The following MEGF6 variants were observed in gnomAD, a reference collection of about 807,000 sequenced individuals.
MEGF6 encodes the protein multiple EGF like domains 6.
MEGF6 carries 184 observed loss-of-function variants against 207.1 expected under a neutral mutation model. That is an observed-to-expected ratio of 0.89 (90% CI 0.79 to 1.00). The LOEUF (loss-of-function observed/expected upper bound fraction) is 1.00, where lower values mean the gene tolerates loss of function less well. Ranked by LOEUF, MEGF6 falls within the 50% of genes least tolerant of loss-of-function variation. MEGF6 has a pLI of 0.00. For missense variants in MEGF6, 2,282 were observed against 2,202.9 expected (o/e 1.04, Z -0.72); for synonymous variants, 1,038 against 910.0 (o/e 1.14, Z -2.53).
chr1:3,584,117 A>C (rs571210385), intron 3 of MEGF6, among the ~76,000 whole-genome samples: 43 of 152,238 alleles, frequency 2.8e-4, no homozygotes, highest in Non-Finnish European at 5.3e-4. Flanking sequence ...CCTTAGAGGC[A>C]TCCAGGGTGC....
upstream of MEGF6, among the ~76,000 whole-genome samples, chr1:3,612,851 A>G (rs2101923897): frequency 6.6e-6 from 1 of 152,296 alleles, no homozygotes; most frequent in African/African-American, 2.4e-5. Flanking sequence ...TGGAGGCTAC[A>G]GTCCTCTGGG....
intron 2 of MEGF6, among the ~76,000 whole-genome samples, chr1:3,598,622 C>T (rs1557808428): frequency 1.3e-5 from 2 of 152,188 alleles, no homozygotes; most frequent in East Asian, 3.9e-4. Context: ...CCGTGAAGAC[C>T]AGCCCTCCGT....
At chr1:3,571,086 C>T (rs963333661) in intron 4 of MEGF6, among the ~76,000 whole-genome samples, 2 of 152,178 alleles carry the variant, frequency 1.3e-5, no homozygotes, top group Non-Finnish European at 2.9e-5. Context: ...CAGCCAACAG[C>T]CTGGGGAGCA....
At chr1:3,580,045 C>T (rs1460815766) in intron 3 of MEGF6, 116 bp from the exon 4 acceptor site, 19 of 686,954 alleles carry the variant, frequency 2.8e-5, no homozygotes, top group Non-Finnish European at 4.3e-5. Flanking sequence ...TCCCCAGCCC[C>T]GTTCTCTCTG....
intron 4 of MEGF6, among the ~76,000 whole-genome samples, chr1:3,543,133 C>T (rs1350962406): frequency 6.6e-6 from 1 of 152,240 alleles, no homozygotes; most frequent in East Asian, 1.9e-4. Context: ...GCCAGTCTCC[C>T]AGAACATGAC....
intron 1 of MEGF6, among the ~76,000 whole-genome samples, chr1:3,604,522 A>G (rs1372426117): frequency 6.6e-6 from 1 of 152,172 alleles, no homozygotes; most frequent in African/African-American, 2.4e-5. Context: ...CTCTTCCTGC[A>G]CCAGGAAGAC....
intron 2 of MEGF6, among the ~76,000 whole-genome samples, chr1:3,599,165 C>T (rs1570235259): frequency 1.3e-5 from 2 of 152,336 alleles, no homozygotes; most frequent in East Asian, 3.9e-4. Flanking sequence ...CGGGGCCAGC[C>T]TGGGGAGGGG....
chr1:3,501,693 G>A lies in MEGF6; in HGVS notation c.2314+103C>T, dbSNP rs959702237. 1.3e-4 allele frequency: 185 copies of A among 1,439,494 alleles called. No individual in the cohort carries two copies. In the African/African-American group the frequency reaches 2.0e-3, roughly 16 times the overall value. 89.2% of individuals were successfully genotyped at this position (1,439,494 alleles called of 1,614,324 possible). A position where few individuals can be genotyped will look rare whatever the true frequency, so the allele number is the denominator to read the frequency against. Reference sequence around the variant, plus strand: ...GTGAGCTCTCACACCTGCTATAGACGGGCCTGGGATCCGCAGGGCTGGGGC... The same window carrying A: ...GTGAGCTCTCACACCTGCTATAGACAGGCCTGGGATCCGCAGGGCTGGGGC... On this transcript the variant is annotated intron_variant, in intron 18 of 36. Transcript: ENST00000356575.
At position 3,611,489 on chromosome 1, in the gene MEGF6, C is replaced by T. The variant is rs1200618079; in HGVS notation, c.-221G>A. On this transcript the variant is annotated 5_prime_UTR_variant, in exon 1 of 37. Transcript: ENST00000356575. Reference sequence around the variant, plus strand: ...CCGGGTCCACCCTGCAGGAACTCGCCCCGGCGCGTTGAGCACAGTGCCCCG... The same window carrying T: ...CCGGGTCCACCCTGCAGGAACTCGCTCCGGCGCGTTGAGCACAGTGCCCCG... 2 of 534,912 alleles carry T rather than the reference C, an allele frequency of 3.7e-6. No homozygotes were observed. Among genetic ancestry groups the T allele is most frequent in the Non-Finnish European group, 5.9e-6 (2 of 339,110 alleles). 33.1% of individuals were successfully genotyped at this position (534,912 alleles called of 1,614,324 possible). A position where few individuals can be genotyped will look rare whatever the true frequency, so the allele number is the denominator to read the frequency against.
In MEGF6 at chr1:3,538,745, T is replaced by TGTGTGTGTGTGTGTGTGTGTGA. The variant is rs57713922; in HGVS notation, c.482-14500_482-14499insTCACACACACACACACACACAC. Among the ~76,000 whole-genome samples, 8 of 126,516 alleles carry TGTGTGTGTGTGTGTGTGTGTGA rather than the reference T, an allele frequency of 6.3e-5. No individual in the cohort carries two copies. In the East Asian group the frequency reaches 1.9e-3, roughly 30 times the overall value. 83.0% of individuals were successfully genotyped at this position (126,516 alleles called of 152,430 possible). Reference sequence around the variant, plus strand: ...GTGTGTGTGTGTGTGTGTGTGTGTGTCCGCGCTGTCTGTGGGTTCTCTGTT... The same window carrying TGTGTGTGTGTGTGTGTGTGTGA: ...GTGTGTGTGTGTGTGTGTGTGTGTGTGTGTGTGTGTGTGTGTGTGTGACCGCGCTGTCTGTGGGTTCTCTGTT... On this transcript the variant is annotated intron_variant, in intron 4 of 36. Coordinates refer to ENST00000356575, the MANE Select transcript of MEGF6 (RefSeq NM_001409.4).
Position 3,494,059 on chromosome 1 carries a change from AG to A in MEGF6, c.4194del (p.Cys1399AlafsTer119). On this transcript the variant is annotated frameshift_variant, in exon 33 of 37. Coordinates refer to ENST00000356575, the MANE Select transcript of MEGF6 (RefSeq NM_001409.4). LOFTEE classifies it high-confidence loss of function. ...QGLCWCQHGA[P>X]CDPISGRCLC... is the part of the protein sequence containing the mutation. ...AGGCATCGGCCACTGATGGGGTCGC[AG>A]GGGGCTCCATGTTGACACCAGCACA... The A allele has an allele frequency of 6.2e-7, 1 of 1,606,804 alleles. No homozygotes were observed. Among genetic ancestry groups the A allele is most frequent in the Non-Finnish European group, 8.5e-7 (1 of 1,176,794 alleles).
chr1:3,499,454 T>G (rs777670779), intron 23 of MEGF6, 134 bp downstream of exon 23: 170 of 1,433,128 alleles, frequency 1.2e-4, no homozygotes, highest in Non-Finnish European at 1.5e-4. Context: ...CTGGCCCGAG[T>G]GAGCAAAGCA....
Position 3,528,776 on chromosome 1 carries a change from C to T in MEGF6, c.482-4530G>A, listed in dbSNP as rs1402341218. Among the ~76,000 whole-genome samples, 8 of 152,226 alleles carry T rather than the reference C, an allele frequency of 5.3e-5. No individual in the cohort carries two copies. The East Asian group carries it at 1.5e-3, about 29-fold the overall frequency. On this transcript the variant is annotated intron_variant, in intron 4 of 36. Coordinates refer to ENST00000356575, the MANE Select transcript of MEGF6 (RefSeq NM_001409.4). ...GCGGCCTCTATAAAGCTGAAAGGGG[C>T]AAGAGACAGACTGTCCCCTAGAGCC...
intron 5 of MEGF6, among the ~76,000 whole-genome samples, chr1:3,516,017 G>A (rs953606090): frequency 1.3e-5 from 2 of 152,210 alleles, no homozygotes; most frequent in African/African-American, 2.4e-5. Flanking sequence ...TGGGGATGCC[G>A]TGGACAGCTG....
chr1:3,574,060 G>C (rs980029864), intron 4 of MEGF6, among the ~76,000 whole-genome samples: 2 of 150,318 alleles, frequency 1.3e-5, no homozygotes, highest in Admixed American at 1.3e-4. Context: ...CCACACCCGA[G>C]AGACCCCCAC....
At position 3,499,207 on chromosome 1, in the gene MEGF6, C is replaced by A; in HGVS notation, c.3025G>T (p.Ala1009Ser). 2 of 1,604,830 alleles carry A rather than the reference C, an allele frequency of 1.2e-6. No homozygotes were observed. ...TGCCCGTGGACAGGGTCACAGGAGG[C>A]CCCGTTAAAGCAGGCACAGGCCTGG... is the stretch of plus-strand genomic sequence containing the variant. ...CSQACACFNG[A>S]SCDPVHGQCH... The change falls in exon 24 of 37, where the codon GCC becomes TCC. Residue 1009 changes from alanine (A) to serine (S), a missense_variant. Coordinates refer to ENST00000356575, the MANE Select transcript of MEGF6 (RefSeq NM_001409.4).
chr1:3,559,836 C>G (rs1393589993), intron 4 of MEGF6, among the ~76,000 whole-genome samples: 2 of 144,752 alleles, frequency 1.4e-5, no homozygotes, highest in Non-Finnish European at 2.9e-5. Context: ...ATGGTGAAAC[C>G]CCATCTCTAC....
intron 1 of MEGF6, among the ~76,000 whole-genome samples, chr1:3,602,885 G>A (rs552998628): frequency 2.6e-5 from 4 of 152,312 alleles, no homozygotes; most frequent in Admixed American, 6.5e-5. Flanking sequence ...AGCCACCAAC[G>A]ACGCTGCCTC....
At chr1:3,546,294 G>A (rs182880769) in intron 4 of MEGF6, among the ~76,000 whole-genome samples, 34 of 152,364 alleles carry the variant, frequency 2.2e-4, no homozygotes, top group Middle Eastern at 3.4e-3. Flanking sequence ...TGGTGGGGCT[G>A]AGCTACAGGG....
Sources: allele counts gnomAD v4.1 joint callset (sites outside exome capture counted in the v4.1 genomes callset), GRCh38; gene constraint gnomAD v4.1.1; transcripts MANE v1.5; gene names NCBI Gene and HGNC (gene_info 2026-07-23, HGNC 2026-07-21).